PRICKLE2: variants seen among roughly 807,000 people sequenced by gnomAD.
PRICKLE2 encodes the protein prickle-like protein 2.
Under a neutral mutation model 81.4 loss-of-function variants are expected in PRICKLE2, and 21 were observed. The ratio of observed to expected loss-of-function variants is 0.26; its 90% CI spans 0.18 to 0.37. The LOEUF (loss-of-function observed/expected upper bound fraction) is 0.37, where lower values mean the gene tolerates loss of function less well. Ranked by LOEUF, PRICKLE2 falls within the 10% of genes least tolerant of loss-of-function variation. PRICKLE2 has a pLI of 1.00. For synonymous variants in PRICKLE2, 456 were observed against 421.5 expected (o/e 1.08, Z -1.00); for missense variants, 940 against 1,109.0 (o/e 0.85, Z 2.16).
Position 64,214,273 on chromosome 3 carries a change from A to C in PRICKLE2, c.-41+10637T>G, listed in dbSNP as rs145539573. Reference sequence around the variant, plus strand: ...TCCCAGAAATCCATGTTGCTCAGCAAAGGAGGCCAGAGGCTCCGGACGACC... The same window carrying C: ...TCCCAGAAATCCATGTTGCTCAGCACAGGAGGCCAGAGGCTCCGGACGACC... On this transcript the variant is annotated intron_variant, in intron 1 of 7. Coordinates refer to ENST00000638394, the MANE Select transcript of PRICKLE2 (RefSeq NM_198859.4). 7.4e-3 allele frequency among the ~76,000 whole-genome samples: 1,122 copies of C among 152,292 alleles called. 17 individuals are homozygous for C. Among genetic ancestry groups the C allele is most frequent in the Non-Finnish European group, 6.8e-3 (460 of 68,018 alleles).
intron 2 of PRICKLE2, among the ~76,000 whole-genome samples, chr3:64,173,821 T>C (rs1252352100): frequency 6.6e-6 from 1 of 152,240 alleles, no homozygotes. Flanking sequence ...TCACAGCTCT[T>C]CTGTCTCCCA....
At chr3:64,217,241 T>A (rs2078886452) in intron 1 of PRICKLE2, among the ~76,000 whole-genome samples, 1 of 152,038 alleles carries the variant, frequency 6.6e-6, no homozygotes, top group African/African-American at 2.4e-5. Context: ...ACAGGAGCCC[T>A]AAGGTATTAA....
intron 7 of PRICKLE2, 140 bp from the exon 8 acceptor site, chr3:64,100,065 C>T (rs2076632128): frequency 3.3e-6 from 3 of 895,578 alleles, no homozygotes; most frequent in South Asian, 1.6e-5. Context: ...TCAGGGGGCA[C>T]ATGTGCCTGT....
At chr3:64,141,243 A>G (rs2077356035) in intron 7 of PRICKLE2, among the ~76,000 whole-genome samples, 1 of 152,216 alleles carries the variant, frequency 6.6e-6, no homozygotes, top group African/African-American at 2.4e-5. Context: ...TAAGGGCACA[A>G]GCTCTGTAGC....
intron 6 of PRICKLE2, among the ~76,000 whole-genome samples, chr3:64,148,494 T>G (rs1575590958): frequency 6.6e-6 from 1 of 152,208 alleles, no homozygotes; most frequent in Non-Finnish European, 1.5e-5. Flanking sequence ...GGGCTCTTTG[T>G]GTGTAGATAG....
At chr3:64,116,522 T>G (rs1035843411) in intron 7 of PRICKLE2, among the ~76,000 whole-genome samples, 18 of 152,028 alleles carry the variant, frequency 1.2e-4, no homozygotes, top group Admixed American at 5.9e-4. Context: ...ATATTATCAC[T>G]TACCCTACAG....
intron 6 of PRICKLE2, among the ~76,000 whole-genome samples, chr3:64,152,429 T>C (rs893332206): frequency 2.6e-5 from 4 of 152,180 alleles, no homozygotes; most frequent in African/African-American, 4.8e-5. Context: ...GTTGAACAAA[T>C]TGGGTATTTG....
intron 7 of PRICKLE2, among the ~76,000 whole-genome samples, chr3:64,109,736 T>A (rs2076813885): frequency 6.6e-6 from 1 of 152,054 alleles, no homozygotes. Flanking sequence ...CCAAAGAGGG[T>A]CATGGACTGA....
chr3:64,231,403 G>A (rs2079098810), intron 2 of PRICKLE2, among the ~76,000 whole-genome samples: 1 of 152,146 alleles, frequency 6.6e-6, no homozygotes, highest in African/African-American at 2.4e-5. Context: ...CACTTATAAT[G>A]GCAGGTTTTG....
chr3:64,103,173 T>C (rs1328918586), intron 7 of PRICKLE2: 1 of 152,188 alleles, frequency 6.6e-6, no homozygotes, highest in East Asian at 1.9e-4. Context: ...TGAAGGAAAT[T>C]TGGAAACATC....
intron 2 of PRICKLE2, among the ~76,000 whole-genome samples, chr3:64,256,576 T>C (rs1307521866): frequency 6.6e-6 from 1 of 152,182 alleles, no homozygotes; most frequent in Non-Finnish European, 1.5e-5. Flanking sequence ...AATAACTCAA[T>C]AAATGATACC....
At chr3:64,144,834 A>T (rs749548030) in intron 7 of PRICKLE2, among the ~76,000 whole-genome samples, 3 of 152,216 alleles carry the variant, frequency 2.0e-5, no homozygotes, top group Non-Finnish European at 4.4e-5. Flanking sequence ...CAATAAGACA[A>T]GCCTGCTGAA....
intron 7 of PRICKLE2, among the ~76,000 whole-genome samples, chr3:64,115,249 C>T (rs1350765882): frequency 2.0e-5 from 3 of 152,200 alleles, no homozygotes; most frequent in East Asian, 1.9e-4. Context: ...TAAAAACACA[C>T]TGAAGTACCC....
intron 7 of PRICKLE2, among the ~76,000 whole-genome samples, chr3:64,128,092 T>C (rs1387377907): frequency 3.9e-5 from 6 of 151,962 alleles, no homozygotes; most frequent in African/African-American, 1.5e-4. Flanking sequence ...TGGAAGGAGC[T>C]CCCAGGCTTA....
chr3:64,129,130 A>T (rs1199991259), intron 7 of PRICKLE2, among the ~76,000 whole-genome samples: 2 of 152,184 alleles, frequency 1.3e-5, no homozygotes, highest in East Asian at 3.8e-4. Context: ...GCGTAAAATC[A>T]TCCAGGTTGA....
At chr3:64,139,250 T>C (rs1559533026) in intron 7 of PRICKLE2, among the ~76,000 whole-genome samples, 1 of 152,246 alleles carries the variant, frequency 6.6e-6, no homozygotes, top group Non-Finnish European at 1.5e-5. Context: ...CCTTTCAGAT[T>C]CCTGCTCCGT....
At position 64,107,964 on chromosome 3, in the gene PRICKLE2, T is replaced by C. The variant is rs13093747; in HGVS notation, c.1661-8039A>G. ...CCTATATGATTTTTATTTTCTTTTT[T>C]GCTGAGATAGAAACATGGAGAAAAT... On this transcript the variant is annotated intron_variant, in intron 7 of 7. Coordinates refer to ENST00000638394, the MANE Select transcript of PRICKLE2 (RefSeq NM_198859.4). 2.9e-3 allele frequency among the ~76,000 whole-genome samples: 435 copies of C among 152,374 alleles called. 2 individuals are homozygous for C. Among genetic ancestry groups the C allele is most frequent in the Non-Finnish European group, 5.2e-3 (351 of 68,034 alleles).
At chr3:64,244,845 T>G (rs1416851502) in intron 2 of PRICKLE2, among the ~76,000 whole-genome samples, 1 of 152,122 alleles carries the variant, frequency 6.6e-6, no homozygotes. Flanking sequence ...TACACAGGTA[T>G]GATTCTACTG....
At position 64,157,345 on chromosome 3, in the gene PRICKLE2, A is replaced by G; in HGVS notation, c.417T>C (p.Gly139=). 6.2e-7 allele frequency: 1 copy of G among 1,613,338 alleles called. No homozygotes were observed. Among genetic ancestry groups the G allele is most frequent in the Non-Finnish European group, 8.5e-7 (1 of 1,180,024 alleles). Residue 139 remains glycine (G), a synonymous_variant, in exon 5 of 8, where the codon GGT becomes GGC. Coordinates refer to ENST00000638394, the MANE Select transcript of PRICKLE2 (RefSeq NM_198859.4). ...GTGACGCAAACACAGCGATGTCTCC[A>G]CCATTGATCTGGCCTCCGCACTGTG... The part of the protein sequence containing the change: ...ICEQCGGQIN[G]GDIAVFASRA...
Sources: allele counts gnomAD v4.1 joint callset (sites outside exome capture counted in the v4.1 genomes callset), GRCh38; gene constraint gnomAD v4.1.1; transcripts MANE v1.5; gene names NCBI Gene and HGNC (gene_info 2026-07-23, HGNC 2026-07-21).